VIT: variants seen among roughly 807,000 people sequenced by gnomAD.
VIT encodes vitrin.
A neutral mutation model predicts 78.0 loss-of-function variants in VIT; 99 were observed. The ratio of observed to expected loss-of-function variants is 1.27; its 90% confidence interval spans 1.08 to 1.50. The LOEUF (loss-of-function observed/expected upper bound fraction) is 1.50, where lower values mean the gene tolerates loss of function less well. VIT is among the 40% of genes most tolerant of loss of function. VIT has a pLI of 0.00. For synonymous variants in VIT, 374 were observed against 334.3 expected (o/e 1.12, Z -1.29); for missense variants, 1,126 against 875.3 (o/e 1.29, Z -3.61).
chr2:36,809,890 C>G (rs1294689198), intron 15 of VIT, among the ~76,000 whole-genome samples: 1 of 150,012 alleles, frequency 6.7e-6, no homozygotes, highest in Non-Finnish European at 1.5e-5. Flanking sequence ...ACTCGGCAGG[C>G]TGAGGTGGGA....
At chr2:36,723,210 T>G (rs1483578876) in intron 2 of VIT, among the ~76,000 whole-genome samples, 1 of 152,150 alleles carries the variant, frequency 6.6e-6, no homozygotes, top group Admixed American at 6.5e-5. Context: ...TGCCTAGGAT[T>G]TCCTATTGTT....
intron 5 of VIT, 70 bp downstream of exon 5, chr2:36,755,124 G>A: frequency 6.8e-7 from 1 of 1,473,582 alleles, no homozygotes; most frequent in Non-Finnish European, 9.0e-7. Context: ...TCATTGTGCT[G>A]TTGGTTTTTG....
At chr2:36,724,925 G>C (rs922749326) in intron 2 of VIT, among the ~76,000 whole-genome samples, 2 of 152,106 alleles carry the variant, frequency 1.3e-5, no homozygotes, top group East Asian at 3.9e-4. Context: ...TTCTATGTAT[G>C]TATTTAGTGC....
intron 1 of VIT, among the ~76,000 whole-genome samples, chr2:36,699,756 T>C (rs1017212571): frequency 1.3e-5 from 2 of 152,228 alleles, no homozygotes; most frequent in Admixed American, 6.5e-5. Context: ...TTTCTGTGAC[T>C]GTCAATATAA....
intron 5 of VIT, among the ~76,000 whole-genome samples, chr2:36,755,421 GGATA>G (rs1201850352): frequency 2.0e-5 from 3 of 152,188 alleles, no homozygotes; most frequent in African/African-American, 7.2e-5. Flanking sequence ...TCTGTTAAGT[GGATA>G]GATAGGTATT....
chr2:36,743,701 C>G (rs79532835), intron 4 of VIT, among the ~76,000 whole-genome samples: 2,610 of 152,298 alleles, frequency 0.017, 73 homozygotes, highest in African/African-American at 0.06. Context: ...GCAACTGTCT[C>G]CAAATATTCT....
intron 1 of VIT, among the ~76,000 whole-genome samples, chr2:36,703,965 G>T (rs1161934008): frequency 6.9e-6 from 1 of 145,152 alleles, no homozygotes; most frequent in African/African-American, 2.6e-5. Flanking sequence ...TCACTCTGTC[G>T]CCAGGCTGGA....
intron 8 of VIT, chr2:36,774,729 A>G (rs189801572): frequency 3.4e-4 from 338 of 985,372 alleles, no homozygotes; most frequent in Middle Eastern, 1.0e-3. Context: ...GAATGAGAAC[A>G]CTGGCCAGGG....
chr2:36,810,505 G>C (rs1294902480), intron 15 of VIT, among the ~76,000 whole-genome samples: 9 of 152,080 alleles, frequency 5.9e-5, no homozygotes, highest in Admixed American at 4.6e-4. Flanking sequence ...AACCCCAAGT[G>C]ATAATAATAA....
rs1332397832 is a variant in VIT, at chr2:36,769,665, TTAAAA to T, written c.679+2386_679+2390del. ...TTAATATTTAATTGCTTATGTCTTCTTAAAATAAAAGTATTCATGAGAGACTTTCC... is the reference window on the plus strand; with the variant it reads ...TTAATATTTAATTGCTTATGTCTTCTTAAAAGTATTCATGAGAGACTTTCC... On this transcript the variant is annotated intron_variant, in intron 7 of 15. Transcript: ENST00000379242. 9.2e-5 allele frequency among the ~76,000 whole-genome samples: 14 copies of T among 152,202 alleles called. No homozygotes were observed. The East Asian group carries it at 2.3e-3, about 25-fold the overall frequency.
At chr2:36,763,616 T>G (rs1192864702) in intron 6 of VIT, among the ~76,000 whole-genome samples, 1 of 148,510 alleles carries the variant, frequency 6.7e-6, no homozygotes, top group Non-Finnish European at 1.5e-5. Context: ...TGAGATGAAG[T>G]TTTGCTCTTG....
intron 12 of VIT, among the ~76,000 whole-genome samples, chr2:36,792,271 T>A (rs1572548655): frequency 6.6e-6 from 1 of 152,084 alleles, no homozygotes; most frequent in South Asian, 2.1e-4. Flanking sequence ...GCCACTTCTC[T>A]CCTCTCTGAG....
intron 10 of VIT, 121 bp downstream of exon 10, chr2:36,781,892 G>T (rs912984637): frequency 8.4e-7 from 1 of 1,191,822 alleles, no homozygotes; most frequent in African/African-American, 1.5e-5. Flanking sequence ...GATTTCTAAT[G>T]GCTCCCGCCT....
intron 9 of VIT, among the ~76,000 whole-genome samples, chr2:36,781,260 A>T (rs1664733150): frequency 6.6e-6 from 1 of 152,198 alleles, no homozygotes; most frequent in Non-Finnish European, 1.5e-5. Flanking sequence ...ATAAGTGTGG[A>T]TGTATGGATA....
At chr2:36,708,013 G>A (rs1438936050) in intron 1 of VIT, among the ~76,000 whole-genome samples, 2 of 152,028 alleles carry the variant, frequency 1.3e-5, no homozygotes, top group African/African-American at 2.4e-5. Flanking sequence ...TGGTGTTGTG[G>A]CAACGGGAAA....
At chr2:36,731,231 C>T (rs6710234) in intron 3 of VIT, among the ~76,000 whole-genome samples, 138,290 of 152,060 alleles carry the variant, frequency 0.91, 63,707 homozygotes, top group Non-Finnish European at 0.99. Context: ...TTAAGTACTA[C>T]TGGCCAGCAG....
chr2:36,698,736 G>C (rs988837798), intron 1 of VIT, among the ~76,000 whole-genome samples: 1 of 152,110 alleles, frequency 6.6e-6, no homozygotes. Flanking sequence ...CTGAGGTCAG[G>C]AGTTCGAGAC....
intron 3 of VIT, among the ~76,000 whole-genome samples, chr2:36,741,995 A>T (rs1478801286): frequency 6.6e-6 from 1 of 152,104 alleles, no homozygotes; most frequent in Admixed American, 6.6e-5. Context: ...TGCCCAAATG[A>T]CCCATTTCTA....
intron 5 of VIT, 145 bp downstream of exon 5, chr2:36,755,199 C>A: frequency 1.1e-6 from 1 of 942,320 alleles, no homozygotes; most frequent in Non-Finnish European, 1.5e-6. Context: ...AGAATCACGA[C>A]ACAATAAATT....
Sources: allele counts gnomAD v4.1 joint callset (sites outside exome capture counted in the v4.1 genomes callset), GRCh38; gene constraint gnomAD v4.1.1; transcripts MANE v1.5; gene names NCBI Gene and HGNC (gene_info 2026-07-23, HGNC 2026-07-21).